TCF4: variants seen among roughly 807,000 people sequenced by gnomAD.
The protein encoded by TCF4 is SL3-3 enhancer factor 2.
TCF4 carries 3 observed loss-of-function variants against 82.1 expected under a neutral mutation model. That is an observed-to-expected ratio of 0.04 (90% CI 0.02 to 0.09). The LOEUF is 0.09. Ranked by LOEUF, TCF4 falls within the 10% of genes least tolerant of loss-of-function variation. TCF4 has a pLI of 1.00. For missense variants in TCF4, 518 were observed against 852.7 expected, an observed-to-expected ratio of 0.61 and a Z score of 4.89; for synonymous variants, 276 against 309.6, an observed-to-expected ratio of 0.89 and a Z score of 1.14.
intron 8 of TCF4, among the ~76,000 whole-genome samples, chr18:55,299,981 G>GTAACA (rs1468426723): frequency 6.6e-6 from 1 of 152,036 alleles, no homozygotes; most frequent in Non-Finnish European, 1.5e-5. Flanking sequence ...GGCCTGGGAT[G>GTAACA]TACAGAAAGA....
chr18:55,494,157 GACACACACACAC>G (rs3138626), intron 3 of TCF4, among the ~76,000 whole-genome samples: 2 of 147,738 alleles, frequency 1.4e-5, no homozygotes, highest in East Asian at 2.0e-4. Flanking sequence ...AAATATTATG[GACACACACACAC>G]ACACACACAC....
intron 6 of TCF4, among the ~76,000 whole-genome samples, chr18:55,398,294 T>C (rs539944325): frequency 6.6e-6 from 1 of 152,314 alleles, no homozygotes; most frequent in South Asian, 2.1e-4. Flanking sequence ...CGATGACATA[T>C]ATACTGCAAA....
intron 3 of TCF4, among the ~76,000 whole-genome samples, chr18:55,476,632 C>T (rs2096295100): frequency 6.6e-6 from 1 of 151,978 alleles, no homozygotes; most frequent in Non-Finnish European, 1.5e-5. Flanking sequence ...CACACCACCA[C>T]ACCCAGTGAA....
intron 2 of TCF4, among the ~76,000 whole-genome samples, chr18:55,631,058 T>A (rs2097731064): frequency 6.6e-6 from 1 of 151,532 alleles, no homozygotes; most frequent in Admixed American, 6.6e-5. Context: ...TGGGTTTTTT[T>A]TTTTTTTTTG....
At chr18:55,586,061 G>C in intron 2 of TCF4, 1 of 1,416,066 alleles carries the variant, frequency 7.1e-7, no homozygotes, top group Non-Finnish European at 9.3e-7. Flanking sequence ...GCCTGCCTAG[G>C]GCTACGTTTC....
At chr18:55,572,336 TA>T (rs1405329038) in intron 3 of TCF4, among the ~76,000 whole-genome samples, 1 of 152,218 alleles carries the variant, frequency 6.6e-6, no homozygotes, top group Non-Finnish European at 1.5e-5. Context: ...AGAATGGTGA[TA>T]TTTTTCCTAA....
At chr18:55,572,663 C>T (rs1472091899) in intron 3 of TCF4, among the ~76,000 whole-genome samples, 6 of 152,208 alleles carry the variant, frequency 3.9e-5, no homozygotes, top group Admixed American at 1.3e-4. Flanking sequence ...GGCTGTGCTA[C>T]CTGATACCTG....
chr18:55,289,960 C>A (rs1228972848), intron 8 of TCF4, among the ~76,000 whole-genome samples: 1 of 151,684 alleles, frequency 6.6e-6, no homozygotes, highest in African/African-American at 2.4e-5. Flanking sequence ...AGGCTCAAAA[C>A]TTTACTAAGT....
At chr18:55,369,009 T>A (rs555789393) in intron 6 of TCF4, among the ~76,000 whole-genome samples, 6 of 152,214 alleles carry the variant, frequency 3.9e-5, no homozygotes, top group African/African-American at 1.4e-4. Flanking sequence ...TGAAATAATA[T>A]GCTGTCAAGG....
chr18:55,277,748 A>G (rs2061739827), intron 9 of TCF4, among the ~76,000 whole-genome samples: 1 of 152,154 alleles, frequency 6.6e-6, no homozygotes, highest in Admixed American at 6.5e-5. Context: ...CCAGAAAGCC[A>G]CTTTCCTGGG....
At chr18:55,457,679 G>A (rs1263973045) in intron 5 of TCF4, among the ~76,000 whole-genome samples, 2 of 152,000 alleles carry the variant, frequency 1.3e-5, no homozygotes, top group African/African-American at 4.8e-5. Context: ...TAGAGATGAG[G>A]TTTCACCATG....
intron 2 of TCF4, among the ~76,000 whole-genome samples, chr18:55,598,084 TAGAG>T (rs1049788625): frequency 2.6e-5 from 4 of 152,150 alleles, no homozygotes; most frequent in Non-Finnish European, 5.9e-5. Flanking sequence ...ACAAACTATA[TAGAG>T]AGTTATCAAG....
chr18:55,354,496 A>T (rs1043827521), intron 6 of TCF4, among the ~76,000 whole-genome samples: 1 of 152,270 alleles, frequency 6.6e-6, no homozygotes, highest in African/African-American at 2.4e-5. Flanking sequence ...GCAAACCATG[A>T]ATTAAACTTG....
chr18:55,550,071 T>C (rs1025345169), intron 3 of TCF4, among the ~76,000 whole-genome samples: 8 of 152,180 alleles, frequency 5.3e-5, no homozygotes, highest in Admixed American at 5.2e-4. Flanking sequence ...CATGAAACAC[T>C]TGTAGAAAAC....
intron 2 of TCF4, among the ~76,000 whole-genome samples, chr18:55,603,712 G>C (rs1385363317): frequency 6.6e-6 from 1 of 152,124 alleles, no homozygotes; most frequent in Non-Finnish European, 1.5e-5. Flanking sequence ...TTAGAAGAGA[G>C]CTGCTATCAA....
intron 3 of TCF4, among the ~76,000 whole-genome samples, chr18:55,557,132 A>T (rs1031734090): frequency 6.6e-6 from 1 of 152,182 alleles, no homozygotes; most frequent in African/African-American, 2.4e-5. Context: ...TAATGCAATG[A>T]TTTTCTTCCA....
At chr18:55,229,812 G>A (rs1431409388) in intron 17 of TCF4, 2 of 152,270 alleles carry the variant, frequency 1.3e-5, no homozygotes, top group Non-Finnish European at 2.9e-5. Context: ...ACAAGTTTGG[G>A]AAACCTGAAC....
chr18:55,477,866 T>A (rs910774563), intron 3 of TCF4, among the ~76,000 whole-genome samples: 7 of 152,186 alleles, frequency 4.6e-5, no homozygotes, highest in African/African-American at 1.7e-4. Flanking sequence ...CATTTTTGGT[T>A]CTAGTAGGTC....
intron 1 of TCF4, among the ~76,000 whole-genome samples, chr18:55,634,396 TTC>T (rs1279336178): frequency 2.0e-5 from 3 of 152,248 alleles, no homozygotes; most frequent in African/African-American, 7.2e-5. Context: ...ACATATTTGT[TTC>T]TGTTTTTTTA....
Sources: gnomAD v4.1 joint callset for allele counts (sites outside exome capture counted in the v4.1 genomes callset) on GRCh38, gnomAD v4.1.1 for gene constraint, MANE v1.5 for transcripts, NCBI Gene and HGNC (gene_info 2026-07-23, HGNC 2026-07-21) for gene names.